ZDHHC14: variants seen among roughly 807,000 people sequenced by gnomAD.
ZDHHC14 encodes zDHHC palmitoyltransferase 14.
Under a neutral mutation model 47.7 loss-of-function variants are expected in ZDHHC14, and 16 were observed. The observed-to-expected ratio is 0.34, with a 90% confidence interval of 0.23 to 0.51. The LOEUF (loss-of-function observed/expected upper bound fraction) is 0.51. ZDHHC14 is among the 20% of genes least tolerant of loss of function. The pLI, the probability that ZDHHC14 is intolerant of heterozygous loss-of-function variation, is 0.97. For missense variants in ZDHHC14, 515 were observed against 662.5 expected (o/e 0.78, Z 2.44); for synonymous variants, 293 against 278.9 (o/e 1.05, Z -0.50).
chr6:157,541,782 C>T (rs920358689), intron 1 of ZDHHC14, among the ~76,000 whole-genome samples: 10 of 126,144 alleles, frequency 7.9e-5, no homozygotes, highest in Non-Finnish European at 1.4e-4. Context: ...CACTGGTTCC[C>T]AGGCTGGCTC....
intron 1 of ZDHHC14, among the ~76,000 whole-genome samples, chr6:157,541,766 G>A (rs940431447): frequency 6.9e-6 from 1 of 144,046 alleles, no homozygotes; most frequent in African/African-American, 2.5e-5. Context: ...GAGACCAAAT[G>A]TCAGACACTG....
chr6:157,456,997 T>TAATAAATAAATAAATAAATAAATA (rs557075276), intron 1 of ZDHHC14, among the ~76,000 whole-genome samples: 334 of 146,988 alleles, frequency 2.3e-3, no homozygotes, highest in Middle Eastern at 7.0e-3. Context: ...AAAAATACAA[T>TAATAAATAAATAAATAAATAAATA]AATAAATAAA....
At chr6:157,532,731 A>C (rs553064141) in intron 1 of ZDHHC14, among the ~76,000 whole-genome samples, 1 of 152,240 alleles carries the variant, frequency 6.6e-6, no homozygotes, top group African/African-American at 2.4e-5. Flanking sequence ...ATGATCCTCC[A>C]TACCCCAAAA....
At chr6:157,578,148 T>C (rs1241758403) in intron 2 of ZDHHC14, among the ~76,000 whole-genome samples, 1 of 152,232 alleles carries the variant, frequency 6.6e-6, no homozygotes, top group Non-Finnish European at 1.5e-5. Context: ...GTAGGTTGTC[T>C]GTTTAGTCTG....
intron 1 of ZDHHC14, among the ~76,000 whole-genome samples, chr6:157,453,391 G>A (rs570087898): frequency 1.3e-5 from 2 of 152,322 alleles, no homozygotes; most frequent in Admixed American, 1.3e-4. Flanking sequence ...CCCATGAACT[G>A]TTAACTTTTT....
chr6:157,492,068 G>A (rs966248525), intron 1 of ZDHHC14, among the ~76,000 whole-genome samples: 6 of 152,118 alleles, frequency 3.9e-5, no homozygotes, highest in African/African-American at 9.7e-5. Flanking sequence ...TGTTGGTTGC[G>A]GCACCTCAGG....
chr6:157,498,130 A>G (rs1780109513), intron 1 of ZDHHC14, among the ~76,000 whole-genome samples: 1 of 152,274 alleles, frequency 6.6e-6, no homozygotes, highest in East Asian at 1.9e-4. Flanking sequence ...TGAATGGAGG[A>G]CATGTTAGCA....
In ZDHHC14 at chr6:157,654,415, G is replaced by A. The variant is rs1777988795; in HGVS notation, c.1068+788G>A. 2.0e-5 allele frequency among the ~76,000 whole-genome samples: 3 copies of A among 152,182 alleles called. No individual in the cohort carries two copies. The South Asian group carries it at 6.2e-4, about 32-fold the overall frequency. ...CTAAAGTTAGAAGTTCCATGTTTCT[G>A]CAGAGAACCTTGTCTTGTGGTGGTC... On this transcript the variant is annotated intron_variant, in intron 8 of 8. Coordinates refer to ENST00000359775, the MANE Select transcript of ZDHHC14 (RefSeq NM_024630.3).
intron 1 of ZDHHC14, among the ~76,000 whole-genome samples, chr6:157,535,053 C>T (rs1022654436): frequency 1.3e-5 from 2 of 152,166 alleles, no homozygotes; most frequent in African/African-American, 4.8e-5. Flanking sequence ...GGTCCTGTAT[C>T]TTAAGTAGAC....
intron 3 of ZDHHC14, among the ~76,000 whole-genome samples, chr6:157,603,889 C>G (rs1462352824): frequency 6.6e-6 from 1 of 152,196 alleles, no homozygotes; most frequent in Non-Finnish European, 1.5e-5. Flanking sequence ...AGGCACACAA[C>G]ATGTCAGTGG....
At chr6:157,542,365 G>A (rs1034024728) in intron 1 of ZDHHC14, among the ~76,000 whole-genome samples, 6 of 152,184 alleles carry the variant, frequency 3.9e-5, no homozygotes, top group African/African-American at 1.4e-4. Flanking sequence ...GAGGGCTTGG[G>A]CGTCATACTG....
chr6:157,606,509 G>A (rs1784545370), intron 3 of ZDHHC14, among the ~76,000 whole-genome samples: 1 of 152,184 alleles, frequency 6.6e-6, no homozygotes, highest in Admixed American at 6.5e-5. Context: ...AGTTTAATGA[G>A]GTGAGCTGCA....
At chr6:157,390,004 C>A (rs950076119) in intron 1 of ZDHHC14, among the ~76,000 whole-genome samples, 3 of 151,452 alleles carry the variant, frequency 2.0e-5, no homozygotes, top group Non-Finnish European at 4.4e-5. Context: ...ATGTATTTAC[C>A]GTTTCTGGTA....
intron 2 of ZDHHC14, among the ~76,000 whole-genome samples, chr6:157,574,746 A>G (rs1162087724): frequency 6.6e-6 from 1 of 152,114 alleles, no homozygotes; most frequent in African/African-American, 2.4e-5. Context: ...CCACCACCCT[A>G]TTTCAAGCTA....
intron 1 of ZDHHC14, among the ~76,000 whole-genome samples, chr6:157,500,675 C>T (rs1021304101): frequency 6.6e-4 from 100 of 152,146 alleles, no homozygotes; most frequent in African/African-American, 2.4e-3. Context: ...TGCTGTGGAC[C>T]ACAACCATGA....
At chr6:157,544,760 A>G (rs563670673) in intron 2 of ZDHHC14, among the ~76,000 whole-genome samples, 2 of 152,360 alleles carry the variant, frequency 1.3e-5, no homozygotes, top group Non-Finnish European at 2.9e-5. Context: ...GCTGGTGATG[A>G]TTTGGAGAAA....
intron 2 of ZDHHC14, among the ~76,000 whole-genome samples, chr6:157,547,381 G>A (rs1782017407): frequency 6.6e-6 from 1 of 151,978 alleles, no homozygotes; most frequent in South Asian, 2.1e-4. Context: ...AGAAAGCACA[G>A]CACAGCAACT....
At chr6:157,626,890 T>TGGGGGGGGG (rs113464326) in intron 3 of ZDHHC14, among the ~76,000 whole-genome samples, 4 of 135,326 alleles carry the variant, frequency 3.0e-5, no homozygotes, top group African/African-American at 8.0e-5. Context: ...CTTTTCCAGC[T>TGGGGGGGGG]GGGGGGGGGG....
intron 1 of ZDHHC14, among the ~76,000 whole-genome samples, chr6:157,515,342 A>G (rs1441263610): frequency 6.6e-6 from 1 of 151,536 alleles, no homozygotes; most frequent in Non-Finnish European, 1.5e-5. Context: ...AGTGTAACTG[A>G]TTGCATTCCA....
Sources: gnomAD v4.1 joint callset for allele counts (sites outside exome capture counted in the v4.1 genomes callset) on GRCh38, gnomAD v4.1.1 for gene constraint, MANE v1.5 for transcripts, NCBI Gene and HGNC (gene_info 2026-07-23, HGNC 2026-07-21) for gene names.